The following TRERF1 variants were observed in gnomAD, a reference collection of about 807,000 sequenced individuals.
TRERF1 encodes transcriptional-regulating factor 1.
A neutral mutation model predicts 122.9 loss-of-function variants in TRERF1; 27 were observed. That is an observed-to-expected ratio of 0.22 (90% CI 0.16 to 0.30). TRERF1 has a LOEUF of 0.30. Among genes scored for constraint, TRERF1 ranks in the 10% least tolerant of loss-of-function variants. TRERF1 has a pLI of 1.00. For missense variants in TRERF1, 1,248 were observed against 1,560.3 expected (o/e 0.80, Z 3.37); for synonymous variants, 636 against 641.7 (o/e 0.99, Z 0.13).
chr6:42,298,617 C>T (rs1046893026), intron 4 of TRERF1, among the ~76,000 whole-genome samples: 2 of 150,594 alleles, frequency 1.3e-5, no homozygotes, highest in Non-Finnish European at 3.0e-5. Context: ...CCAGCCTGGC[C>T]AACAGGGTAA....
At chr6:42,307,450 G>A (rs1237275913) in intron 3 of TRERF1, among the ~76,000 whole-genome samples, 2 of 152,114 alleles carry the variant, frequency 1.3e-5, no homozygotes, top group African/African-American at 4.8e-5. Flanking sequence ...ATATTACACA[G>A]TAGAATACAA....
In TRERF1 at chr6:42,347,155, A is replaced by C. The variant is rs576324037; in HGVS notation, c.-371+15842T>G. On this transcript the variant is annotated intron_variant, in intron 3 of 17. Coordinates refer to ENST00000372922, the Ensembl canonical transcript of TRERF1. Reference sequence around the variant, plus strand: ...CTGTAACAAACTTGGAAATCAGAAGAAGCTGGAGGGGTTGGCACACTCAGC... The same window carrying C: ...CTGTAACAAACTTGGAAATCAGAAGCAGCTGGAGGGGTTGGCACACTCAGC... 5.3e-4 allele frequency among the ~76,000 whole-genome samples: 80 copies of C among 152,312 alleles called. 2 individuals carry two copies. The South Asian group carries it at 0.016, about 31-fold the overall frequency.
At chr6:42,359,328 G>A (rs570546067) in intron 3 of TRERF1, among the ~76,000 whole-genome samples, 4 of 152,268 alleles carry the variant, frequency 2.6e-5, no homozygotes, top group African/African-American at 7.2e-5. Flanking sequence ...CCAGTGATCC[G>A]AAAATCCATC....
chr6:42,447,926 ACTC>A (rs1308157707), intron 2 of TRERF1, among the ~76,000 whole-genome samples: 2 of 151,474 alleles, frequency 1.3e-5, no homozygotes, highest in Non-Finnish European at 2.9e-5. Flanking sequence ...CTGGTCTTGA[ACTC>A]CTGACCTCAG....
At chr6:42,287,960 G>A (rs997449771) in intron 4 of TRERF1, among the ~76,000 whole-genome samples, 67 of 151,986 alleles carry the variant, frequency 4.4e-4, no homozygotes, top group African/African-American at 1.4e-3. Context: ...TACACCCTGA[G>A]CACCTGTCCT....
chr6:42,292,534 G>T (rs1452372741), intron 4 of TRERF1, among the ~76,000 whole-genome samples: 1 of 152,202 alleles, frequency 6.6e-6, no homozygotes, highest in East Asian at 1.9e-4. Flanking sequence ...ACATGCACAT[G>T]ACTGGCTCAT....
At position 42,262,538 on chromosome 6, in the gene TRERF1, A is replaced by C. The variant is rs759481068; in HGVS notation, c.1884+782T>G. Among the ~76,000 whole-genome samples, 69 of 76,186 alleles carry C rather than the reference A, an allele frequency of 9.1e-4. 9 individuals carry two copies. The highest frequency in any genetic ancestry group is 6.6e-3 in the South Asian group (10 of 1,518). The allele number at this position is 76,186 out of a possible 152,430, so 50.0% of individuals were successfully genotyped here. ...GAGAGAGAGAGAGAGAGAGAGAGAGAGAGAGAGAGAGAGAGAGAGAGAGAG... is the reference window on the plus strand; with the variant it reads ...GAGAGAGAGAGAGAGAGAGAGAGAGCGAGAGAGAGAGAGAGAGAGAGAGAG... On this transcript the variant is annotated intron_variant, in intron 8 of 17. Coordinates refer to ENST00000372922, the Ensembl canonical transcript of TRERF1.
Position 42,272,228 on chromosome 6 carries a change from C to T in TRERF1, c.-258-2380G>A, listed in dbSNP as rs116105818. ...AGAAAAGTTTGAAGACCACTGCAGTCGTACCCTTCTACCTGGGAGTGAGCT... is the reference window on the plus strand; with the variant it reads ...AGAAAAGTTTGAAGACCACTGCAGTTGTACCCTTCTACCTGGGAGTGAGCT... On this transcript the variant is annotated intron_variant, in intron 4 of 17. Coordinates refer to ENST00000372922, the Ensembl canonical transcript of TRERF1. Among the ~76,000 whole-genome samples, 491 of 152,312 alleles carry T rather than the reference C, an allele frequency of 3.2e-3. 3 individuals are homozygous for T. Among genetic ancestry groups the T allele is most frequent in the African/African-American group, 0.011 (466 of 41,552 alleles).
chr6:42,343,996 A>G (rs897871347), intron 3 of TRERF1, among the ~76,000 whole-genome samples: 2 of 152,206 alleles, frequency 1.3e-5, no homozygotes, highest in African/African-American at 4.8e-5. Context: ...TTCCTGCCCC[A>G]ACCATCCCTT....
At chr6:42,367,409 A>C (rs368543910) in intron 2 of TRERF1, among the ~76,000 whole-genome samples, 1 of 152,196 alleles carries the variant, frequency 6.6e-6, no homozygotes, top group African/African-American at 2.4e-5. Flanking sequence ...CAAAACACAC[A>C]AAGCTCCGAG....
At chr6:42,429,050 C>T (rs1784084338) in intron 2 of TRERF1, among the ~76,000 whole-genome samples, 1 of 152,166 alleles carries the variant, frequency 6.6e-6, no homozygotes, top group Non-Finnish European at 1.5e-5. Flanking sequence ...CCCATCTGTG[C>T]CCAGCAGGCG....
At chr6:42,412,244 G>A (rs1320414396) in intron 2 of TRERF1, among the ~76,000 whole-genome samples, 1 of 151,958 alleles carries the variant, frequency 6.6e-6, no homozygotes, top group Non-Finnish European at 1.5e-5. Flanking sequence ...CAGATGATCC[G>A]CCCACTTCGG....
Position 42,382,039 on chromosome 6 carries a change from T to C in TRERF1, c.-453-18960A>G, listed in dbSNP as rs893409678. 5.3e-5 allele frequency among the ~76,000 whole-genome samples: 8 copies of C among 151,748 alleles called. No homozygotes were observed. The East Asian group carries it at 1.5e-3, about 29-fold the overall frequency. ...ATCCTCATTACAGTGCTAATAGTAT[T>C]CCCATTTTACAGACAAGGCAACTGA... On this transcript the variant is annotated intron_variant, in intron 2 of 17. Coordinates refer to ENST00000372922, the Ensembl canonical transcript of TRERF1.
chr6:42,428,121 T>C (rs1224817749), intron 2 of TRERF1, among the ~76,000 whole-genome samples: 2 of 152,160 alleles, frequency 1.3e-5, no homozygotes, highest in African/African-American at 4.8e-5. Flanking sequence ...AAAGTAGGAT[T>C]TTGGCCTCCT....
chr6:42,405,963 G>A (rs561879339), intron 2 of TRERF1, among the ~76,000 whole-genome samples: 5 of 152,170 alleles, frequency 3.3e-5, no homozygotes, highest in African/African-American at 7.2e-5. Context: ...CAGAAGCACC[G>A]TCATTTCCAA....
intron 2 of TRERF1, among the ~76,000 whole-genome samples, chr6:42,395,199 A>G (rs1289981486): frequency 6.6e-6 from 1 of 152,194 alleles, no homozygotes; most frequent in Non-Finnish European, 1.5e-5. Context: ...CCCTCTACAA[A>G]GTCAGGGTGG....
intron 2 of TRERF1, among the ~76,000 whole-genome samples, chr6:42,442,213 C>T (rs193148918): frequency 5.7e-4 from 86 of 152,014 alleles, no homozygotes; most frequent in Admixed American, 5.2e-4. Context: ...GGAACTCAAA[C>T]GACACTCCTA....
chr6:42,300,516 T>C (rs1392197595), intron 4 of TRERF1, 122 bp downstream of exon 4: 6 of 152,608 alleles, frequency 3.9e-5, no homozygotes, highest in Non-Finnish European at 7.3e-5. Context: ...TTTCTAAGTC[T>C]ACCCTCATCC....
At chr6:42,297,424 A>G (rs1435371772) in intron 4 of TRERF1, among the ~76,000 whole-genome samples, 1 of 152,192 alleles carries the variant, frequency 6.6e-6, no homozygotes, top group African/African-American at 2.4e-5. Context: ...GGAGATTCTA[A>G]GTTTCCCAAT....
Sources: allele counts gnomAD v4.1 joint callset (sites outside exome capture counted in the v4.1 genomes callset), GRCh38; gene constraint gnomAD v4.1.1; transcripts MANE v1.5; gene names NCBI Gene and HGNC (gene_info 2026-07-23, HGNC 2026-07-21).